The following AKAP19 variants were observed in gnomAD, a reference collection of about 807,000 sequenced individuals.
AKAP19 encodes A-kinase anchoring protein 19.
the AKAP19 span, among the ~76,000 whole-genome samples, chr2:190,007,204 T>C: frequency 2.5e-4 from 38 of 152,184 alleles, no homozygotes; most frequent in Non-Finnish European, 1.5e-5. Context: ...TCAAGGGATA[T>C]GAAAACTTTC....
chr2:190,096,568 CT>C, the AKAP19 span, among the ~76,000 whole-genome samples: 1 of 152,200 alleles, frequency 6.6e-6, no homozygotes, highest in South Asian at 2.1e-4. Flanking sequence ...TGGTGCTGGG[CT>C]TTTTTTGCTG....
chr2:189,992,786 AG>A, the AKAP19 span, among the ~76,000 whole-genome samples: 1 of 152,072 alleles, frequency 6.6e-6, no homozygotes. Context: ...CTGTCATAAA[AG>A]GAGTTGAGTT....
the AKAP19 span, among the ~76,000 whole-genome samples, chr2:190,010,316 A>T: frequency 5.1e-4 from 78 of 152,258 alleles, no homozygotes; most frequent in Non-Finnish European, 1.0e-3. Context: ...AATTGTGTCA[A>T]TTTTCTTACA....
At chr2:190,158,429 T>C in the AKAP19 span, among the ~76,000 whole-genome samples, 1 of 152,210 alleles carries the variant, frequency 6.6e-6, no homozygotes, top group African/African-American at 2.4e-5. Context: ...TTTCTCACAT[T>C]AACAAATTTG....
chr2:190,128,232 C>A, the AKAP19 span, among the ~76,000 whole-genome samples: 19 of 152,140 alleles, frequency 1.2e-4, no homozygotes, highest in Non-Finnish European at 2.8e-4. Context: ...AATGGGTCCA[C>A]ACGCCCTATC....
At chr2:190,096,905 A>G in the AKAP19 span, among the ~76,000 whole-genome samples, 15,313 of 152,006 alleles carry the variant, frequency 0.1, 1,684 homozygotes, top group African/African-American at 0.27. Flanking sequence ...TCTCCCTCGG[A>G]TCCCATCCAT....
the AKAP19 span, among the ~76,000 whole-genome samples, chr2:189,973,517 T>G: frequency 6.6e-6 from 1 of 152,176 alleles, no homozygotes; most frequent in Non-Finnish European, 1.5e-5. Context: ...TTAGGGAGGA[T>G]TCCCTCTTTT....
At chr2:189,923,275 G>A in the AKAP19 span, 2 of 1,523,058 alleles carry the variant, frequency 1.3e-6, no homozygotes, top group African/African-American at 1.4e-5. Context: ...ACTCAGAATC[G>A]AATCTCTTCT....
At chr2:189,893,116 G>T in the AKAP19 span, among the ~76,000 whole-genome samples, 4 of 152,216 alleles carry the variant, frequency 2.6e-5, no homozygotes, top group African/African-American at 9.7e-5. Context: ...GTCGACTTCA[G>T]ACTGCTGTGC....
chr2:190,107,858 A>C, the AKAP19 span, among the ~76,000 whole-genome samples: 1 of 152,258 alleles, frequency 6.6e-6, no homozygotes, highest in African/African-American at 2.4e-5. Flanking sequence ...GATTTTAAAC[A>C]TTATGAAAGA....
the AKAP19 span, among the ~76,000 whole-genome samples, chr2:190,136,041 T>C: frequency 6.6e-6 from 1 of 152,316 alleles, no homozygotes; most frequent in African/African-American, 2.4e-5. Context: ...TGGCATGTAG[T>C]AGACACCGAT....
the AKAP19 span, among the ~76,000 whole-genome samples, chr2:190,154,172 T>C: frequency 6.6e-6 from 1 of 152,244 alleles, no homozygotes; most frequent in African/African-American, 2.4e-5. Flanking sequence ...TTGACCCCTG[T>C]GGAATTTCTG....
chr2:189,962,308 C>T, the AKAP19 span, among the ~76,000 whole-genome samples: 10 of 152,028 alleles, frequency 6.6e-5, no homozygotes, highest in East Asian at 1.9e-4. Context: ...TCTAGGTTTG[C>T]GTAAGTATAC....
chr2:190,062,473 A>T, the AKAP19 span: 1 of 1,613,548 alleles, frequency 6.2e-7, no homozygotes. Context: ...CTCCAAGTAC[A>T]TGCATTACAC....
the AKAP19 span, among the ~76,000 whole-genome samples, chr2:189,882,301 C>T: frequency 6.6e-6 from 1 of 152,122 alleles, no homozygotes; most frequent in Non-Finnish European, 1.5e-5. Context: ...GAGAACATAT[C>T]TCAATCAATT....
At chr2:189,950,982 G>A in the AKAP19 span, among the ~76,000 whole-genome samples, 1 of 152,058 alleles carries the variant, frequency 6.6e-6, no homozygotes, top group Non-Finnish European at 1.5e-5. Flanking sequence ...GAGGGTTGGG[G>A]TGGGGGTAGT....
chr2:190,057,766 G>A, the AKAP19 span: 3,990 of 950,896 alleles, frequency 4.2e-3, 97 homozygotes, highest in African/African-American at 0.056. Flanking sequence ...TTTTTAAAAG[G>A]CACAGCATTA....
At chr2:189,991,451 T>C in the AKAP19 span, among the ~76,000 whole-genome samples, 1 of 152,244 alleles carries the variant, frequency 6.6e-6, no homozygotes. Flanking sequence ...TAATTAGTGA[T>C]GTTGAGAATT....
chr2:189,902,780 AT>A, the AKAP19 span, among the ~76,000 whole-genome samples: 3 of 149,552 alleles, frequency 2.0e-5, no homozygotes, highest in Admixed American at 6.7e-5. Flanking sequence ...TTCATGATTC[AT>A]TTTTTTTTGC....
Sources: allele counts gnomAD v4.1 joint callset (sites outside exome capture counted in the v4.1 genomes callset), GRCh38; gene constraint gnomAD v4.1.1; transcripts MANE v1.5; gene names NCBI Gene and HGNC (gene_info 2026-07-23, HGNC 2026-07-21).